Variants in PIK3R3 observed in about 807,000 individuals in gnomAD.
PIK3R3 encodes the protein phosphatidylinositol 3-kinase regulatory subunit gamma.
In PIK3R3, 64 loss-of-function variants were observed where a neutral mutation model predicts 62.9. That is an observed-to-expected ratio of 1.02 (90% CI 0.83 to 1.25). PIK3R3 has a LOEUF of 1.25. PIK3R3 is among the 50% of genes most tolerant of loss of function. PIK3R3 has a pLI of 0.00. For missense variants in PIK3R3, 614 were observed against 561.6 expected (o/e 1.09, Z -0.94); for synonymous variants, 165 against 189.0 (o/e 0.87, Z 1.04).
chr1:46,082,109 T>C (rs1650648707), intron 1 of PIK3R3, among the ~76,000 whole-genome samples: 1 of 152,054 alleles, frequency 6.6e-6, no homozygotes, highest in Non-Finnish European at 1.5e-5. Flanking sequence ...AAAACAATAA[T>C]AGTGAAAAAG....
chr1:46,068,495 C>A (rs1010792604), intron 3 of PIK3R3, among the ~76,000 whole-genome samples: 9 of 151,998 alleles, frequency 5.9e-5, no homozygotes, highest in Non-Finnish European at 1.3e-4. Flanking sequence ...CTAAATATAC[C>A]AAATAGTAAT....
intron 2 of PIK3R3, among the ~76,000 whole-genome samples, chr1:46,079,251 A>G (rs1275828490): frequency 1.3e-5 from 2 of 152,198 alleles, no homozygotes; most frequent in African/African-American, 4.8e-5. Context: ...TACATCTGAG[A>G]CCCACTAAAG....
intron 1 of PIK3R3, among the ~76,000 whole-genome samples, chr1:46,125,274 AT>A (rs911663613): frequency 1.3e-5 from 2 of 152,174 alleles, no homozygotes; most frequent in African/African-American, 4.8e-5. Flanking sequence ...ATCTTTTTCA[AT>A]AAGAAGACAA....
intron 3 of PIK3R3, among the ~76,000 whole-genome samples, chr1:46,071,712 A>AAAAAAAAAAAAT (rs1472807815): frequency 4.9e-4 from 12 of 24,648 alleles, no homozygotes; most frequent in Admixed American, 1.2e-3. Context: ...AAAAAAAAAA[A>AAAAAAAAAAAAT]ATATATATAT....
the PIK3R3 span, among the ~76,000 whole-genome samples, chr1:46,152,963 C>T: frequency 6.6e-5 from 10 of 152,248 alleles, no homozygotes; most frequent in African/African-American, 1.4e-4. Context: ...AGAATTTGCA[C>T]GGTCTTTTCA....
At chr1:46,113,982 T>C (rs750445080) in intron 1 of PIK3R3, among the ~76,000 whole-genome samples, 1 of 152,236 alleles carries the variant, frequency 6.6e-6, no homozygotes, top group African/African-American at 2.4e-5. Flanking sequence ...AGAGGAGCGA[T>C]GCATGGGTAT....
chr1:46,127,358 T>A lies in PIK3R3; in HGVS notation c.106+4489A>T, dbSNP rs12042969. On this transcript the variant is annotated intron_variant, in intron 1 of 9. Transcript: ENST00000262741. Reference sequence around the variant, plus strand: ...ACCCTGCCTCAAAAAAAAAAAAAAATATATATATATATACATAATTTCAGA... The same window carrying A: ...ACCCTGCCTCAAAAAAAAAAAAAAAAATATATATATATACATAATTTCAGA... 9.3e-3 allele frequency among the ~76,000 whole-genome samples: 1,206 copies of A among 129,830 alleles called. 9 individuals carry two copies. Among genetic ancestry groups the A allele is most frequent in the East Asian group, 0.043 (199 of 4,616 alleles). 85.2% of individuals were successfully genotyped at this position (129,830 alleles called of 152,430 possible). A position where few individuals can be genotyped will look rare whatever the true frequency, so the allele number is the denominator to read the frequency against.
At chr1:46,046,268 A>G (rs185880167) in intron 8 of PIK3R3, among the ~76,000 whole-genome samples, 180 bp from the exon 9 acceptor site, 45 of 152,294 alleles carry the variant, frequency 3.0e-4, no homozygotes, top group Non-Finnish European at 6.2e-4. Context: ...GTTTCATCCA[A>G]TAAGCTGAAA....
chr1:46,160,839 C>A, the PIK3R3 span, among the ~76,000 whole-genome samples: 1 of 152,134 alleles, frequency 6.6e-6, no homozygotes, highest in Non-Finnish European at 1.5e-5. Context: ...GTGGACTAGG[C>A]CCAGTTGGAA....
In PIK3R3 at chr1:46,044,642, C is replaced by T. The variant is rs1461851931; in HGVS notation, c.1188-771G>A. Among the ~76,000 whole-genome samples, 1 of 152,124 alleles carries T rather than the reference C, an allele frequency of 6.6e-6. No individual in the cohort carries two copies. The highest frequency in any genetic ancestry group is 1.5e-5 in the Non-Finnish European group (1 of 68,030). Reference sequence around the variant, plus strand: ...AGTAATCCAATGCACTTTTCAACTCCTCCCCCATTTTCTGCCCATAAGACA... The same window carrying T: ...AGTAATCCAATGCACTTTTCAACTCTTCCCCCATTTTCTGCCCATAAGACA... On this transcript the variant is annotated intron_variant, in intron 9 of 9. Transcript: ENST00000262741. The surrounding 1 kb of genome is among the most constrained non-coding windows in gnomAD (Gnocchi z 4.2).
the PIK3R3 span, among the ~76,000 whole-genome samples, chr1:46,142,960 C>T: frequency 6.6e-6 from 1 of 152,134 alleles, no homozygotes; most frequent in African/African-American, 2.4e-5. Flanking sequence ...ACTTGGAAAA[C>T]ATTGTTGCAA....
At chr1:46,116,624 T>C (rs556591261) in intron 1 of PIK3R3, among the ~76,000 whole-genome samples, 2 of 150,886 alleles carry the variant, frequency 1.3e-5, no homozygotes, top group Non-Finnish European at 2.9e-5. Context: ...ATCACACCAC[T>C]GCACTCCAGC....
chr1:46,167,136 T>C, the PIK3R3 span, among the ~76,000 whole-genome samples: 1 of 152,340 alleles, frequency 6.6e-6, no homozygotes, highest in Non-Finnish European at 1.5e-5. Context: ...TTCTGGGCCC[T>C]GGCGACCTTG....
At position 46,067,091 on chromosome 1, in the gene PIK3R3, C is replaced by T. The variant is rs1649068844; in HGVS notation, c.315G>A (p.Arg105=). 6.4e-7 allele frequency: 1 copy of T among 1,550,698 alleles called. No individual in the cohort carries two copies. The highest frequency in any genetic ancestry group is 1.4e-5 in the African/African-American group (1 of 71,828). The change falls in exon 4 of 10, where the codon CGG becomes CGA. Residue 105 remains arginine (R), a splice_region_variant and synonymous_variant. Coordinates refer to ENST00000262741, the MANE Select transcript of PIK3R3 (RefSeq NM_003629.4). ...TTATTAACTTATTATTGCCTCCCTT[C>T]CTGTGAACAACAAGACAACAACTGT... ...KMQGDYTLTL[R]KGGNNKLIKI...
intron 8 of PIK3R3, 73 bp from the exon 9 acceptor site, chr1:46,046,161 T>C: frequency 1.1e-6 from 1 of 882,658 alleles, no homozygotes. Flanking sequence ...AATAAAACAC[T>C]CTTCTAAATC....
chr1:46,094,967 T>C (rs976895001), intron 1 of PIK3R3, among the ~76,000 whole-genome samples: 2 of 152,236 alleles, frequency 1.3e-5, no homozygotes, highest in African/African-American at 4.8e-5. Flanking sequence ...TGGAGACACA[T>C]ATGATATTTT....
the PIK3R3 span, among the ~76,000 whole-genome samples, chr1:46,170,672 C>T: frequency 2.6e-5 from 4 of 152,242 alleles, no homozygotes; most frequent in Non-Finnish European, 4.4e-5. Flanking sequence ...CCACCAGCCT[C>T]AGCCTCCCAA....
chr1:46,173,596 AC>A, the PIK3R3 span, among the ~76,000 whole-genome samples: 1 of 152,060 alleles, frequency 6.6e-6, no homozygotes, highest in Non-Finnish European at 1.5e-5. Flanking sequence ...AGTGGGCTGC[AC>A]CCGCTCATCC....
At position 46,131,999 on chromosome 1, in the gene PIK3R3, T is replaced by G; in HGVS notation, c.-47A>C. The G allele has an allele frequency of 6.3e-7, 1 of 1,589,842 alleles. No individual in the cohort carries two copies. The highest frequency in any genetic ancestry group is 1.9e-5 in the Admixed American group (1 of 52,452). On this transcript the variant is annotated 5_prime_UTR_variant, in exon 1 of 10. Coordinates refer to ENST00000262741, the MANE Select transcript of PIK3R3 (RefSeq NM_003629.4). ...CCAGGAGATATATAGAAGGCATATA[T>G]TTTTTATCTGGTATTTAAAAATCTA... is the stretch of plus-strand genomic sequence containing the variant.
Sources: gnomAD v4.1 joint callset for allele counts (sites outside exome capture counted in the v4.1 genomes callset) on GRCh38, gnomAD v4.1.1 for gene constraint, Gnocchi (gnomAD v3.1) non-coding constraint, MANE v1.5 for transcripts, NCBI Gene and HGNC (gene_info 2026-07-23, HGNC 2026-07-21) for gene names.